The following NSD1 variants were observed in gnomAD, a reference collection of about 807,000 sequenced individuals.
The protein encoded by NSD1 is nuclear receptor binding SET domain protein 1.
NSD1 carries 26 observed loss-of-function variants against 242.7 expected under a neutral mutation model. The ratio of observed to expected loss-of-function variants is 0.11; its 90% CI spans 0.08 to 0.15. NSD1 has a LOEUF of 0.15. Ranked by LOEUF, NSD1 falls within the 10% of genes least tolerant of loss-of-function variation. The pLI, the probability that NSD1 is intolerant of heterozygous loss-of-function variation, is 1.00. For synonymous variants in NSD1, 1,106 were observed against 1,178.1 expected (o/e 0.94, Z 1.25); for missense variants, 2,495 against 3,272.8 (o/e 0.76, Z 5.80).
At chr5:177,244,121 A>G in intron 8 of NSD1, 74 bp from the exon 9 acceptor site, 1 of 1,077,618 alleles carries the variant, frequency 9.3e-7, no homozygotes, top group South Asian at 1.3e-5. Context: ...CTGACAATTC[A>G]GACTTTGGCA....
chr5:177,135,773 T>C lies in NSD1; in HGVS notation c.670T>C (p.Ser224Pro), dbSNP rs770174512. 5.0e-6 allele frequency: 8 copies of C among 1,612,980 alleles called. No individual in the cohort carries two copies. The highest frequency in any genetic ancestry group is 2.2e-5 in the South Asian group (2 of 91,054). The change falls in exon 2 of 23, where the codon TCG (serine) becomes CCG (proline). Residue 224 changes from serine (S) to proline (P), a missense_variant. Physicochemically the swap from Ser to Pro is moderately conservative, Grantham distance 74. Transcript: ENST00000439151. Reference protein sequence around the residue: ...TPESRHGAVKSPFLPLAPQTE... With the variant: ...TPESRHGAVKPPFLPLAPQTE... ...AGAGAGTAGACACGGTGCAGTCAAA[T>C]CGCCATTCTTGCCATTAGCTCCTCA...
chr5:177,172,199 A>T (rs1759770128), intron 2 of NSD1, among the ~76,000 whole-genome samples: 1 of 152,188 alleles, frequency 6.6e-6, no homozygotes, highest in South Asian at 2.1e-4. Context: ...TGACTGTGGC[A>T]GCCTTTGCTA....
chr5:177,262,699 C>A (rs1306625779), intron 14 of NSD1, among the ~76,000 whole-genome samples: 3 of 152,154 alleles, frequency 2.0e-5, no homozygotes, highest in African/African-American at 7.2e-5. Context: ...GCCAACATGG[C>A]GAAACCCCAT....
Position 177,291,876 on chromosome 5 carries a change from C to G in NSD1, c.6259-78C>G, listed in dbSNP as rs369972286. On this transcript the variant is annotated intron_variant, in intron 21 of 22. Coordinates refer to ENST00000439151, the MANE Select transcript of NSD1 (RefSeq NM_022455.5). ...TTTTCCCAGAGAAGAGAATGAGGCT[C>G]AGAGAGGGTAGTTAACCCGGTTAAG... The G allele has an allele frequency of 4.9e-4, 637 of 1,307,250 alleles. 4 individuals are homozygous for G. In the South Asian group the frequency reaches 7.5e-3, roughly 15 times the overall value. The allele number at this position is 1,307,250 out of a possible 1,614,324, so 81.0% of individuals were successfully genotyped here.
intron 17 of NSD1, 122 bp downstream of exon 17, chr5:177,273,906 T>A: frequency 1.4e-6 from 1 of 698,014 alleles, no homozygotes; most frequent in Non-Finnish European, 2.5e-6. Context: ...GGTATGAGCT[T>A]AAAAGAAGAT....
chr5:177,149,081 A>G (rs758583399), intron 2 of NSD1, among the ~76,000 whole-genome samples: 6 of 152,060 alleles, frequency 3.9e-5, no homozygotes, highest in Non-Finnish European at 7.4e-5. Flanking sequence ...GGCTTCCCAA[A>G]GTCCTGGGAT....
chr5:177,195,835 C>G lies in NSD1; in HGVS notation c.1063+3816C>G, dbSNP rs1454684942. 2.0e-5 allele frequency among the ~76,000 whole-genome samples: 3 copies of G among 151,938 alleles called. No individual in the cohort carries two copies. The South Asian group carries it at 6.2e-4, about 32-fold the overall frequency. On this transcript the variant is annotated intron_variant, in intron 3 of 22. Coordinates refer to ENST00000439151, the MANE Select transcript of NSD1 (RefSeq NM_022455.5). Reference sequence around the variant, plus strand: ...TATTTATTTGACAAATAGTAAATACCTTGTATAGATTGAGTACTGTGCTAG... The same window carrying G: ...TATTTATTTGACAAATAGTAAATACGTTGTATAGATTGAGTACTGTGCTAG...
intron 2 of NSD1, among the ~76,000 whole-genome samples, chr5:177,144,288 C>CT (rs1232542179): frequency 1.3e-5 from 2 of 151,330 alleles, no homozygotes; most frequent in Non-Finnish European, 2.9e-5. Flanking sequence ...GTGGCCTGAT[C>CT]TTGGCTCCTG....
intron 5 of NSD1, among the ~76,000 whole-genome samples, chr5:177,222,678 T>A (rs772490604): frequency 6.6e-6 from 1 of 152,238 alleles, no homozygotes; most frequent in Non-Finnish European, 1.5e-5. Flanking sequence ...GACTATATTT[T>A]AATTGGGGCT....
In NSD1 at chr5:177,249,852, T is replaced by A. The variant is rs984865480; in HGVS notation, c.4641+1528T>A. ...CACTAATCTCAGCACTTTGTGAGGC[T>A]GAGGTGGGTGGATCATTTGAGCCCA... On this transcript the variant is annotated intron_variant, in intron 11 of 22. Coordinates refer to ENST00000439151, the MANE Select transcript of NSD1 (RefSeq NM_022455.5). Among the ~76,000 whole-genome samples, 11 of 152,280 alleles carry A rather than the reference T, an allele frequency of 7.2e-5. No individual in the cohort carries two copies. In the East Asian group the frequency reaches 1.2e-3, roughly 16 times the overall value.
At chr5:177,206,511 A>G (rs943598794) in intron 4 of NSD1, among the ~76,000 whole-genome samples, 3 of 152,166 alleles carry the variant, frequency 2.0e-5, no homozygotes, top group Non-Finnish European at 2.9e-5. Context: ...GCCACTTAAC[A>G]CTTGAGTTCT....
At chr5:177,227,151 A>G (rs2149872977) in intron 5 of NSD1, among the ~76,000 whole-genome samples, 1 of 152,304 alleles carries the variant, frequency 6.6e-6, no homozygotes, top group East Asian at 1.9e-4. Flanking sequence ...ATAAAAATAG[A>G]TTGGCCATGA....
At chr5:177,142,920 C>T (rs1185347834) in intron 2 of NSD1, among the ~76,000 whole-genome samples, 1 of 152,138 alleles carries the variant, frequency 6.6e-6, no homozygotes, top group Non-Finnish European at 1.5e-5. Flanking sequence ...GCCTTGTGTA[C>T]CCTGAGTTCA....
At position 177,275,582 on chromosome 5, in the gene NSD1, C is replaced by A. The variant is rs1221600016; in HGVS notation, c.5622+1798C>A. On this transcript the variant is annotated intron_variant, in intron 17 of 22. Transcript: ENST00000439151. ...CCGAGTAGCTGGGACTACAGGCGCC[C>A]GCCACCACACCGGGCTAATTTTTTG... Among the ~76,000 whole-genome samples, 3 of 151,046 alleles carry A rather than the reference C, an allele frequency of 2.0e-5. No homozygotes were observed. In the South Asian group the frequency reaches 6.3e-4, roughly 32 times the overall value.
At chr5:177,151,606 C>G (rs1032370139) in intron 2 of NSD1, among the ~76,000 whole-genome samples, 1 of 151,292 alleles carries the variant, frequency 6.6e-6, no homozygotes, top group Non-Finnish European at 1.5e-5. Flanking sequence ...TCAGACTTGT[C>G]TCGGACTCCC....
upstream of NSD1, among the ~76,000 whole-genome samples, chr5:177,133,370 G>C (rs1224763774): frequency 6.6e-6 from 1 of 152,126 alleles, no homozygotes; most frequent in Admixed American, 6.5e-5. The surrounding 1 kb of genome is among the most constrained non-coding windows in gnomAD (Gnocchi z 6.2). Flanking sequence ...TGCGGGAGCC[G>C]TGTGCGGCCC....
At chr5:177,273,647 T>G in intron 16 of NSD1, 25 bp from the exon 17 acceptor site, 1 of 1,529,566 alleles carries the variant, frequency 6.5e-7, no homozygotes, top group Non-Finnish European at 9.1e-7. Flanking sequence ...GATTTTGAAG[T>G]GACTTGTGCT....
chr5:177,186,126 A>T (rs569432708), intron 2 of NSD1, among the ~76,000 whole-genome samples: 55 of 126,508 alleles, frequency 4.3e-4, no homozygotes, highest in African/African-American at 1.6e-3. Context: ...ATTTATATAT[A>T]ATATATATAT....
At chr5:177,289,036 T>G (rs1335023469) in intron 21 of NSD1, 111 bp downstream of exon 21, 1 of 828,570 alleles carries the variant, frequency 1.2e-6, no homozygotes, top group Non-Finnish European at 2.0e-6. Flanking sequence ...TTAATGACAT[T>G]CAGCCAGGCA....
Sources: allele counts gnomAD v4.1 joint callset (sites outside exome capture counted in the v4.1 genomes callset), GRCh38; gene constraint gnomAD v4.1.1; non-coding constraint Gnocchi (gnomAD v3.1); transcripts MANE v1.5; gene names NCBI Gene and HGNC (gene_info 2026-07-23, HGNC 2026-07-21).